Variants in KCNIP1 observed in about 807,000 individuals in gnomAD.
KCNIP1 encodes the protein A-type potassium channel modulatory protein KCNIP1.
Under a neutral mutation model 33.0 loss-of-function variants are expected in KCNIP1, and 18 were observed. The ratio of observed to expected loss-of-function variants is 0.55; its 90% CI spans 0.38 to 0.81. The LOEUF (loss-of-function observed/expected upper bound fraction) is 0.81. Ranked by LOEUF, KCNIP1 falls within the 30% of genes least tolerant of loss-of-function variation. The probability of loss-of-function intolerance (pLI) is 0.00; values close to 1 mark genes in which losing one functional copy is unlikely to be tolerated. For missense variants in KCNIP1, 238 were observed against 271.6 expected, an observed-to-expected ratio of 0.88 and a Z score of 0.87; for synonymous variants, 93 against 98.3, an observed-to-expected ratio of 0.95 and a Z score of 0.32.
chr5:170,541,332 C>A (rs1756203888), intron 1 of KCNIP1, among the ~76,000 whole-genome samples: 1 of 152,188 alleles, frequency 6.6e-6, no homozygotes, highest in African/African-American at 2.4e-5. Context: ...TCACCGTCAC[C>A]CCCTGGAGTC....
At chr5:170,410,439 G>A (rs1420819165) in intron 1 of KCNIP1, among the ~76,000 whole-genome samples, 8 of 152,366 alleles carry the variant, frequency 5.3e-5, no homozygotes, top group African/African-American at 1.4e-4. Context: ...ACAGGGGATC[G>A]CAGACATAGT....
intron 1 of KCNIP1, among the ~76,000 whole-genome samples, chr5:170,493,704 C>A (rs1331963595): frequency 6.6e-6 from 1 of 152,190 alleles, no homozygotes; most frequent in African/African-American, 2.4e-5. Flanking sequence ...TGGTGTTTGG[C>A]TGGCAAATTC....
At chr5:170,735,026 G>A (rs1764332838) in intron 7 of KCNIP1, among the ~76,000 whole-genome samples, 1 of 152,198 alleles carries the variant, frequency 6.6e-6, no homozygotes, top group African/African-American at 2.4e-5. Flanking sequence ...CTCACCAGAT[G>A]CAGATGCCCA....
At chr5:170,450,641 C>T (rs1756226494) in intron 1 of KCNIP1, among the ~76,000 whole-genome samples, 1 of 152,172 alleles carries the variant, frequency 6.6e-6, no homozygotes. Context: ...CCCCTTGTAG[C>T]TCTCACATCT....
At chr5:170,493,112 T>C (rs1757241380) in intron 1 of KCNIP1, among the ~76,000 whole-genome samples, 1 of 152,172 alleles carries the variant, frequency 6.6e-6, no homozygotes, top group Admixed American at 6.5e-5. Flanking sequence ...TCAAATCCCT[T>C]AGCCCTCCAC....
intron 1 of KCNIP1, among the ~76,000 whole-genome samples, chr5:170,598,733 G>A (rs776030000): frequency 1.1e-4 from 17 of 152,040 alleles, no homozygotes; most frequent in Admixed American, 2.0e-4. Context: ...TCGAGAACAG[G>A]GATTTCCCCT....
At chr5:170,723,040 T>C (rs1349358167) in intron 5 of KCNIP1, among the ~76,000 whole-genome samples, 1 of 152,180 alleles carries the variant, frequency 6.6e-6, no homozygotes, top group African/African-American at 2.4e-5. Context: ...TCATTCTCAC[T>C]GGGTCACCTA....
At chr5:170,532,533 TTC>T (rs1004257642) in intron 1 of KCNIP1, among the ~76,000 whole-genome samples, 1 of 152,040 alleles carries the variant, frequency 6.6e-6, no homozygotes, top group African/African-American at 2.4e-5. Flanking sequence ...TGCTCTCTCT[TTC>T]TCTCTCTCTC....
intron 2 of KCNIP1, among the ~76,000 whole-genome samples, chr5:170,719,975 T>C (rs1763762996): frequency 6.6e-6 from 1 of 152,194 alleles, no homozygotes; most frequent in Non-Finnish European, 1.5e-5. Context: ...AAGATACCCT[T>C]GGGGAAGTTA....
At chr5:170,418,426 C>T (rs780200739) in intron 1 of KCNIP1, among the ~76,000 whole-genome samples, 3 of 152,152 alleles carry the variant, frequency 2.0e-5, no homozygotes, top group Non-Finnish European at 2.9e-5. Context: ...GAGACTCTGT[C>T]TCAAAAAAAC....
intron 1 of KCNIP1, among the ~76,000 whole-genome samples, chr5:170,545,124 T>G (rs1430692064): frequency 1.3e-5 from 2 of 152,220 alleles, no homozygotes; most frequent in African/African-American, 4.8e-5. Context: ...TTATTTTGTT[T>G]CATTTTTGCA....
intron 1 of KCNIP1, among the ~76,000 whole-genome samples, chr5:170,465,586 G>A (rs971696401): frequency 6.6e-6 from 1 of 152,132 alleles, no homozygotes; most frequent in Admixed American, 6.5e-5. Context: ...CTAATCTCAA[G>A]GGACAGTCCA....
intron 1 of KCNIP1, among the ~76,000 whole-genome samples, chr5:170,436,091 GAGA>G (rs1173792913): frequency 1.3e-5 from 2 of 152,294 alleles, no homozygotes; most frequent in South Asian, 4.1e-4. Flanking sequence ...CTGTGGAGCC[GAGA>G]AGATGTGGGG....
intron 1 of KCNIP1, among the ~76,000 whole-genome samples, chr5:170,369,757 A>G (rs1763793786): frequency 6.6e-6 from 1 of 152,268 alleles, no homozygotes; most frequent in Non-Finnish European, 1.5e-5. Context: ...AGCTGTAGAT[A>G]TAGGCGTCTT....
At chr5:170,374,083 G>T (rs79609272) in intron 1 of KCNIP1, among the ~76,000 whole-genome samples, 2,918 of 152,274 alleles carry the variant, frequency 0.019, 84 homozygotes, top group African/African-American at 0.066. Context: ...AGCCTGTGCT[G>T]CCAATGAACA....
chr5:170,505,965 A>G (rs1754701000), intron 1 of KCNIP1, among the ~76,000 whole-genome samples: 1 of 152,208 alleles, frequency 6.6e-6, no homozygotes, highest in Non-Finnish European at 1.5e-5. Flanking sequence ...ACAGGTCTGC[A>G]AAGCTCAGCC....
chr5:170,711,007 T>A (rs550770966), intron 1 of KCNIP1, among the ~76,000 whole-genome samples: 68 of 152,368 alleles, frequency 4.5e-4, no homozygotes, highest in Non-Finnish European at 7.2e-4. Context: ...GTGTTATATA[T>A]GGTACATGCT....
At chr5:170,695,580 A>T (rs1164019621) in intron 1 of KCNIP1, among the ~76,000 whole-genome samples, 1 of 152,230 alleles carries the variant, frequency 6.6e-6, no homozygotes, top group Non-Finnish European at 1.5e-5. Flanking sequence ...GTAACATTTC[A>T]TTGTGTGACT....
intron 1 of KCNIP1, among the ~76,000 whole-genome samples, chr5:170,490,543 G>A (rs1757184595): frequency 6.6e-6 from 1 of 152,182 alleles, no homozygotes; most frequent in Non-Finnish European, 1.5e-5. Flanking sequence ...GCCAATGTCA[G>A]TTTTTTGACT....
Sources: gnomAD v4.1 joint callset for allele counts (sites outside exome capture counted in the v4.1 genomes callset) on GRCh38, gnomAD v4.1.1 for gene constraint, MANE v1.5 for transcripts, NCBI Gene and HGNC (gene_info 2026-07-23, HGNC 2026-07-21) for gene names.